ZFHX3: variants seen among roughly 807,000 people sequenced by gnomAD.
ZFHX3 encodes zinc finger homeobox protein 3.
Under a neutral mutation model 279.1 loss-of-function variants are expected in ZFHX3, and 42 were observed. The ratio of observed to expected loss-of-function variants is 0.15; its 90% confidence interval spans 0.12 to 0.19. ZFHX3 has a LOEUF of 0.19. ZFHX3 is among the 10% of genes least tolerant of loss of function. The pLI, the probability that ZFHX3 is intolerant of heterozygous loss-of-function variation, is 1.00. For missense variants in ZFHX3, 4,981 were observed against 4,754.0 expected, an observed-to-expected ratio of 1.05 and a Z score of -1.40; for synonymous variants, 2,293 against 1,957.8, an observed-to-expected ratio of 1.17 and a Z score of -4.52.
chr16:72,810,025 C>T (rs989673013), intron 7 of ZFHX3, among the ~76,000 whole-genome samples: 4 of 151,248 alleles, frequency 2.6e-5, no homozygotes, highest in Admixed American at 2.0e-4. Context: ...ACTACAGGCG[C>T]CTGCCACCAC....
chr16:73,533,961 C>T (rs768727050), intron 2 of ZFHX3, among the ~76,000 whole-genome samples: 50 of 152,284 alleles, frequency 3.3e-4, no homozygotes, highest in African/African-American at 1.1e-3. Flanking sequence ...CCCTTGCTTT[C>T]GTGCTGCCTA....
intron 2 of ZFHX3, among the ~76,000 whole-genome samples, chr16:73,512,478 T>G (rs1435744477): frequency 6.9e-6 from 1 of 144,124 alleles, no homozygotes; most frequent in African/African-American, 2.6e-5. Context: ...AATGGATCTA[T>G]ACAGAAGTCT....
At chr16:73,198,084 C>T (rs770468206) in intron 5 of ZFHX3, among the ~76,000 whole-genome samples, 3 of 151,540 alleles carry the variant, frequency 2.0e-5, no homozygotes, top group Non-Finnish European at 2.9e-5. Flanking sequence ...ACTACAGGCG[C>T]GTGCTGCCAT....
At chr16:73,871,210 C>T (rs1039582512) in intron 1 of ZFHX3, among the ~76,000 whole-genome samples, 5 of 152,162 alleles carry the variant, frequency 3.3e-5, no homozygotes, top group African/African-American at 1.2e-4. Context: ...TCATGTCACA[C>T]CCTGACTGGA....
intron 2 of ZFHX3, among the ~76,000 whole-genome samples, chr16:73,532,064 G>A (rs1022894654): frequency 6.6e-6 from 1 of 152,076 alleles, no homozygotes; most frequent in Non-Finnish European, 1.5e-5. Flanking sequence ...TTCCAGCCTG[G>A]GCAACAGAGT....
chr16:73,255,299 A>G (rs961772215), intron 5 of ZFHX3, among the ~76,000 whole-genome samples: 3 of 152,248 alleles, frequency 2.0e-5, no homozygotes, highest in Non-Finnish European at 4.4e-5. Context: ...TTGAGACATT[A>G]AATCCAAGTT....
At position 72,950,820 on chromosome 16, in the gene ZFHX3, C is replaced by T. The variant is rs753976705; in HGVS notation, c.2865G>A (p.Thr955=). The part of the protein sequence containing the change: ...FQCAVCNKFT[T]DNLDMLGLHM... ...GCAGGCCCAGCATGTCCAGGTTGTCCGTCGTGAACTTGTTGCAGACGGCGC... is the reference window on the plus strand; with the variant it reads ...GCAGGCCCAGCATGTCCAGGTTGTCTGTCGTGAACTTGTTGCAGACGGCGC... Residue 955 remains threonine, a synonymous_variant, in exon 3 of 10, where the codon ACG becomes ACA. Transcript: ENST00000268489. 1.9e-6 allele frequency: 3 copies of T among 1,614,036 alleles called. No homozygotes were observed. The highest frequency in any genetic ancestry group is 1.1e-5 in the South Asian group (1 of 91,090).
intron 2 of ZFHX3, among the ~76,000 whole-genome samples, chr16:73,512,526 ATT>A (rs11358941): frequency 2.0e-5 from 3 of 146,570 alleles, no homozygotes. Flanking sequence ...TAATTAAAAC[ATT>A]TTTTTTTTAC....
intron 5 of ZFHX3, among the ~76,000 whole-genome samples, chr16:73,189,029 A>C (rs1451244340): frequency 6.6e-6 from 1 of 151,902 alleles, no homozygotes; most frequent in Non-Finnish European, 1.5e-5. Flanking sequence ...ACGCCTGGCT[A>C]CTTTTTGTAT....
At chr16:73,657,041 G>C (rs1044090124) in intron 2 of ZFHX3, among the ~76,000 whole-genome samples, 2 of 152,200 alleles carry the variant, frequency 1.3e-5, no homozygotes, top group African/African-American at 4.8e-5. Flanking sequence ...CTTTTTAAAA[G>C]TAATCATATT....
intron 1 of ZFHX3, among the ~76,000 whole-genome samples, chr16:73,686,326 C>A (rs1047559805): frequency 1.3e-5 from 2 of 152,152 alleles, no homozygotes; most frequent in Non-Finnish European, 2.9e-5. Flanking sequence ...GAATTCCAGA[C>A]CTCGTGATCC....
At chr16:73,783,166 G>C (rs1367957500) in intron 1 of ZFHX3, among the ~76,000 whole-genome samples, 1 of 152,146 alleles carries the variant, frequency 6.6e-6, no homozygotes, top group Non-Finnish European at 1.5e-5. Context: ...ACCGGGCCAA[G>C]ATGAGCCACC....
intron 2 of ZFHX3, among the ~76,000 whole-genome samples, chr16:73,617,104 A>C (rs2143895238): frequency 6.6e-6 from 1 of 152,326 alleles, no homozygotes; most frequent in Non-Finnish European, 1.5e-5. Context: ...CGTAAACAGC[A>C]AATGCACAGA....
intron 4 of ZFHX3, among the ~76,000 whole-genome samples, chr16:72,848,188 C>T (rs2037525580): frequency 6.6e-6 from 1 of 152,104 alleles, no homozygotes; most frequent in Non-Finnish European, 1.5e-5. Flanking sequence ...TCAGGCCTGG[C>T]ACTAATTGCT....
intron 2 of ZFHX3, among the ~76,000 whole-genome samples, chr16:73,534,729 C>T (rs1335788417): frequency 6.6e-6 from 1 of 152,182 alleles, no homozygotes; most frequent in African/African-American, 2.4e-5. Flanking sequence ...ATCACTACCG[C>T]CATCATCGTA....
At chr16:73,866,458 C>T (rs1002156223) in intron 1 of ZFHX3, among the ~76,000 whole-genome samples, 5 of 151,972 alleles carry the variant, frequency 3.3e-5, no homozygotes, top group Admixed American at 1.3e-4. Flanking sequence ...CCACCACCCC[C>T]GGAAGAACAC....
At chr16:73,650,391 A>T (rs986430267) in intron 2 of ZFHX3, among the ~76,000 whole-genome samples, 1 of 151,790 alleles carries the variant, frequency 6.6e-6, no homozygotes, top group African/African-American at 2.4e-5. Context: ...ATTAAATGGG[A>T]TCTCAAAGAC....
intron 5 of ZFHX3, among the ~76,000 whole-genome samples, chr16:73,158,045 T>A (rs1269851774): frequency 6.6e-6 from 1 of 152,228 alleles, no homozygotes; most frequent in Admixed American, 6.5e-5. Context: ...GAGGGTCACA[T>A]TTTTGGAGGA....
rs764459005 is a variant in ZFHX3 at position 72,787,494 on chromosome 16, G to A, written c.10782C>T (p.Asn3594=). 1.2e-5 allele frequency: 20 copies of A among 1,613,476 alleles called. No individual in the cohort carries two copies. Among genetic ancestry groups the A allele is most frequent in the Non-Finnish European group, 1.6e-5 (19 of 1,179,738 alleles). The change falls in exon 10 of 10, where the codon AAC becomes AAT. Residue 3594 remains asparagine (N), a synonymous_variant. Coordinates refer to ENST00000268489, the MANE Select transcript of ZFHX3 (RefSeq NM_006885.4). ...CGGCCGACGGGGGAGGGGGGCTGTCGTTTGAGTGAGCGGCAGACTGCGAGG... is the reference window on the plus strand; with the variant it reads ...CGGCCGACGGGGGAGGGGGGCTGTCATTTGAGTGAGCGGCAGACTGCGAGG... ...ASTSQSAAHS[N]DSPPPPSAAA...
Sources: allele counts gnomAD v4.1 joint callset (sites outside exome capture counted in the v4.1 genomes callset), GRCh38; gene constraint gnomAD v4.1.1; transcripts MANE v1.5; gene names NCBI Gene and HGNC (gene_info 2026-07-23, HGNC 2026-07-21).